Variants in EYS observed in about 807,000 individuals in gnomAD.
EYS encodes protein eyes shut homolog.
A neutral mutation model predicts 282.1 loss-of-function variants in EYS; 250 were observed. The observed-to-expected ratio is 0.89, with a 90% CI of 0.80 to 0.98. The LOEUF (loss-of-function observed/expected upper bound fraction) is 0.98, where lower values mean the gene tolerates loss of function less well. Among genes scored for constraint, EYS ranks in the 50% least tolerant of loss-of-function variants. EYS has a pLI of 0.00. For synonymous variants in EYS, 1,355 were observed against 1,282.9 expected (o/e 1.06, Z -1.20); for missense variants, 4,016 against 3,709.0 (o/e 1.08, Z -2.15).
intron 29 of EYS, among the ~76,000 whole-genome samples, chr6:64,348,327 T>C (rs1242710516): frequency 3.3e-5 from 5 of 151,478 alleles, no homozygotes; most frequent in Non-Finnish European, 7.4e-5. Context: ...TATTTACATA[T>C]GTAAGGTCTT....
At chr6:65,553,190 A>G (rs1382538524) in intron 2 of EYS, among the ~76,000 whole-genome samples, 1 of 152,178 alleles carries the variant, frequency 6.6e-6, no homozygotes, top group Non-Finnish European at 1.5e-5. Flanking sequence ...TGATAACCTG[A>G]CATGTCTTAT....
chr6:64,070,477 G>A lies in EYS; in HGVS notation c.6572-3986C>T, dbSNP rs534446112. The stretch of plus-strand genomic sequence containing the variant: ...TTTCTTAGACAGCTTGAGTTTTATC[G>A]GCAAAAAATACTATTAGCTGTTTTC... On this transcript the variant is annotated intron_variant, in intron 32 of 42. Transcript: ENST00000503581. Among the ~76,000 whole-genome samples the A allele has an allele frequency of 5.3e-4, 80 of 151,660 alleles. 1 individual carries two copies. Among genetic ancestry groups the A allele is most frequent in the Non-Finnish European group, 5.2e-4 (35 of 67,906 alleles).
intron 2 of EYS, among the ~76,000 whole-genome samples, chr6:65,564,525 A>ATAAATAG (rs763219485): frequency 4.6e-5 from 7 of 152,178 alleles, no homozygotes; most frequent in Non-Finnish European, 8.8e-5. Flanking sequence ...CAATGGGGAA[A>ATAAATAG]GGATTCCCTA....
chr6:63,868,757 G>C (rs145936724), intron 35 of EYS, among the ~76,000 whole-genome samples: 1 of 152,162 alleles, frequency 6.6e-6, no homozygotes, highest in African/African-American at 2.4e-5. Flanking sequence ...ACCATGATAA[G>C]AGCCTGCTAA....
chr6:64,232,685 C>T (rs1650100512), intron 30 of EYS, among the ~76,000 whole-genome samples: 1 of 152,140 alleles, frequency 6.6e-6, no homozygotes, highest in South Asian at 2.1e-4. Context: ...AGTCACTGCA[C>T]CTGGCCTGTA....
chr6:65,596,508 C>A (rs1033518915), intron 2 of EYS, among the ~76,000 whole-genome samples: 8 of 151,912 alleles, frequency 5.3e-5, no homozygotes, highest in African/African-American at 1.9e-4. Context: ...GTGCAGATAA[C>A]AAAAATGTGA....
chr6:65,663,625 T>C (rs945622837), intron 1 of EYS, among the ~76,000 whole-genome samples: 2 of 152,204 alleles, frequency 1.3e-5, no homozygotes, highest in African/African-American at 2.4e-5. Flanking sequence ...TGGATCATGG[T>C]ACAAAAGCAA....
At chr6:64,524,902 AT>A (rs1207446626) in intron 26 of EYS, among the ~76,000 whole-genome samples, 4 of 151,762 alleles carry the variant, frequency 2.6e-5, no homozygotes, top group Non-Finnish European at 5.9e-5. Context: ...AGACATACAC[AT>A]GGCCAACAAG....
chr6:64,949,559 C>T (rs1313937717), intron 14 of EYS, among the ~76,000 whole-genome samples: 1 of 151,760 alleles, frequency 6.6e-6, no homozygotes, highest in Non-Finnish European at 1.5e-5. Context: ...ATTAGGGCAG[C>T]CCATGTAGGA....
At chr6:64,261,454 C>A (rs996398442) in intron 30 of EYS, among the ~76,000 whole-genome samples, 4 of 152,070 alleles carry the variant, frequency 2.6e-5, no homozygotes, top group East Asian at 1.9e-4. Flanking sequence ...TTACCATTAA[C>A]ATCTTATTTA....
intron 26 of EYS, among the ~76,000 whole-genome samples, chr6:64,488,789 A>T (rs951737447): frequency 1.3e-5 from 2 of 151,004 alleles, no homozygotes; most frequent in African/African-American, 4.8e-5. Context: ...TCCATGGAAA[A>T]GTATATAGGC....
intron 28 of EYS, among the ~76,000 whole-genome samples, chr6:64,392,867 T>C (rs1773205340): frequency 6.6e-6 from 1 of 151,264 alleles, no homozygotes; most frequent in African/African-American, 2.4e-5. Flanking sequence ...TCAACAAAAT[T>C]GATAGACCGC....
Position 64,626,196 on chromosome 6 carries a change from A to G in EYS, c.3493T>C (p.Cys1165Arg), listed in dbSNP as rs758971677. 2.2e-5 allele frequency: 34 copies of G among 1,536,392 alleles called. No individual in the cohort carries two copies. The highest frequency in any genetic ancestry group is 1.8e-4 in the Middle Eastern group (1 of 5,670). Residue 1165 changes from cysteine to arginine, a missense_variant, in exon 23 of 43, where the codon TGC becomes CGC. Transcript: ENST00000503581. ...GQFCEININE[C>R]SSSPCLHGAD... ...CCATGTAGACATGGTGATGAAGAGC[A>G]TTCATTTATATTAATTTCACAAAAT...
At chr6:64,603,117 T>C (rs966731910) in intron 24 of EYS, among the ~76,000 whole-genome samples, 4 of 152,082 alleles carry the variant, frequency 2.6e-5, no homozygotes, top group African/African-American at 9.7e-5. Context: ...GTTCAAACAC[T>C]GCCCTACCTG....
intron 1 of EYS, among the ~76,000 whole-genome samples, chr6:65,662,571 A>T (rs1281302294): frequency 6.6e-6 from 1 of 152,198 alleles, no homozygotes; most frequent in Non-Finnish European, 1.5e-5. Flanking sequence ...TTGTCTGTAA[A>T]TGGAATTTCT....
At chr6:64,390,743 C>G (rs1353810501) in intron 28 of EYS, among the ~76,000 whole-genome samples, 1 of 150,236 alleles carries the variant, frequency 6.7e-6, no homozygotes, top group Non-Finnish European at 1.5e-5. Flanking sequence ...GAACGCAGTT[C>G]CTCACCAGCA....
intron 30 of EYS, among the ~76,000 whole-genome samples, chr6:64,240,459 G>C (rs1048942534): frequency 5.9e-5 from 9 of 152,112 alleles, no homozygotes; most frequent in Non-Finnish European, 1.3e-4. Flanking sequence ...TCCTTGAAGA[G>C]GTCCTTCACA....
intron 12 of EYS, among the ~76,000 whole-genome samples, chr6:65,067,751 A>G (rs1561949584): frequency 6.6e-6 from 1 of 152,152 alleles, no homozygotes; most frequent in Non-Finnish European, 1.5e-5. Context: ...CAAAAGTACC[A>G]TGGCAGTGAG....
chr6:64,354,795 A>G (rs34860442), intron 29 of EYS, among the ~76,000 whole-genome samples: 2 of 151,528 alleles, frequency 1.3e-5, no homozygotes, highest in African/African-American at 4.8e-5. Context: ...TACAAATAAT[A>G]CCATATATGT....
Sources: allele counts gnomAD v4.1 joint callset (sites outside exome capture counted in the v4.1 genomes callset), GRCh38; gene constraint gnomAD v4.1.1; transcripts MANE v1.5; gene names NCBI Gene and HGNC (gene_info 2026-07-23, HGNC 2026-07-21).